Variants in CRHR1 observed in about 807,000 individuals in gnomAD.
The protein encoded by CRHR1 is corticotropin releasing hormone receptor 1, also known as corticotropin-releasing hormone receptor 1.
In CRHR1, 28 loss-of-function variants were observed where a neutral mutation model predicts 56.0. The observed-to-expected ratio is 0.50, with a 90% CI of 0.37 to 0.69. CRHR1 has a LOEUF of 0.69. Among genes scored for constraint, CRHR1 ranks in the 30% least tolerant of loss-of-function variants. The pLI is 0.00. For synonymous variants in CRHR1, 195 were observed against 216.5 expected (o/e 0.90, Z 0.87); for missense variants, 376 against 548.0 (o/e 0.69, Z 3.13).
chr17:45,812,132 T>C (rs1374273507), intron 2 of CRHR1, among the ~76,000 whole-genome samples: 1 of 152,236 alleles, frequency 6.6e-6, no homozygotes, highest in Non-Finnish European at 1.5e-5. Flanking sequence ...CTCTAGATTA[T>C]TTCTAATACC....
chr17:45,793,324 G>C lies in CRHR1; in HGVS notation c.33+8747G>C, dbSNP rs532237133. Reference sequence around the variant, plus strand: ...ACAGGGATGGTGGGAGATGTTGCTAGAGGGAATTGTGGCCCTGGGCTTAGA... The same window carrying C: ...ACAGGGATGGTGGGAGATGTTGCTACAGGGAATTGTGGCCCTGGGCTTAGA... On this transcript the variant is annotated intron_variant, in intron 1 of 12. Transcript: ENST00000314537. Among the ~76,000 whole-genome samples the C allele has an allele frequency of 1.4e-4, 22 of 152,374 alleles. No homozygotes were observed. The South Asian group carries it at 4.6e-3, about 32-fold the overall frequency.
chr17:45,820,160 A>C (rs1430931623), intron 3 of CRHR1, among the ~76,000 whole-genome samples: 2 of 152,188 alleles, frequency 1.3e-5, no homozygotes, highest in Non-Finnish European at 2.9e-5. Context: ...ACTGGGAGCC[A>C]CAGGAAGGCC....
At chr17:45,816,886 C>T (rs1433958406) in intron 3 of CRHR1, among the ~76,000 whole-genome samples, 1 of 152,224 alleles carries the variant, frequency 6.6e-6, no homozygotes, top group East Asian at 1.9e-4. Flanking sequence ...TTTGCATCCA[C>T]GTCTGTCTGG....
intron 1 of CRHR1, among the ~76,000 whole-genome samples, chr17:45,796,547 G>A (rs761292597): frequency 3.3e-5 from 5 of 151,672 alleles, no homozygotes; most frequent in Non-Finnish European, 7.4e-5. Flanking sequence ...GAAACAGGCT[G>A]TGCTGCCCAG....
At chr17:45,788,599 G>A (rs2061375163) in intron 1 of CRHR1, among the ~76,000 whole-genome samples, 1 of 152,160 alleles carries the variant, frequency 6.6e-6, no homozygotes, top group Admixed American at 6.5e-5. Context: ...AGGACAAAAG[G>A]AATTAATACA....
intron 4 of CRHR1, among the ~76,000 whole-genome samples, chr17:45,828,312 G>A (rs2062211450): frequency 6.6e-6 from 1 of 152,232 alleles, no homozygotes; most frequent in Admixed American, 6.5e-5. Flanking sequence ...GCAAGAGGTG[G>A]TTTTGGAGTT....
chr17:45,833,980 C>A (rs751260630), intron 11 of CRHR1, 27 bp from the exon 12 acceptor site: 8 of 1,613,800 alleles, frequency 5.0e-6, no homozygotes, highest in Non-Finnish European at 6.8e-6. Context: ...TGCAGCCGAC[C>A]TTTGACGCCT....
At chr17:45,814,910 C>T (rs2061896629) in intron 2 of CRHR1, among the ~76,000 whole-genome samples, 1 of 152,280 alleles carries the variant, frequency 6.6e-6, no homozygotes, top group Non-Finnish European at 1.5e-5. Flanking sequence ...AGGCCTCTGC[C>T]CCTTGAGTCC....
intron 3 of CRHR1, among the ~76,000 whole-genome samples, chr17:45,818,564 C>T (rs1476433178): frequency 5.9e-5 from 9 of 152,168 alleles, no homozygotes; most frequent in Non-Finnish European, 8.8e-5. Flanking sequence ...CTCTAGGCTC[C>T]CCCGCACTTC....
intron 4 of CRHR1, chr17:45,825,634 G>C (rs2062145518): frequency 6.5e-6 from 1 of 154,508 alleles, no homozygotes; most frequent in Non-Finnish European, 1.5e-5. Context: ...AACTGCAGAG[G>C]TGCTTTTTCC....
chr17:45,819,782 G>A (rs920882418), intron 3 of CRHR1, among the ~76,000 whole-genome samples: 5 of 152,226 alleles, frequency 3.3e-5, no homozygotes, highest in Non-Finnish European at 5.9e-5. Context: ...CTGGCCAGCT[G>A]TAGCTGAGCA....
chr17:45,817,420 G>T (rs2061951747), intron 3 of CRHR1, among the ~76,000 whole-genome samples: 2 of 152,288 alleles, frequency 1.3e-5, no homozygotes, highest in East Asian at 1.9e-4. Context: ...TCCCAAGAGG[G>T]CACAGGGGTG....
At chr17:45,804,069 G>T (rs1014529347) in intron 1 of CRHR1, among the ~76,000 whole-genome samples, 5 of 152,194 alleles carry the variant, frequency 3.3e-5, no homozygotes, top group Admixed American at 3.3e-4. Context: ...TGGAAAATGA[G>T]GGTAAAGATA....
chr17:45,830,276 GCC>G, intron 6 of CRHR1, 62 bp downstream of exon 6: 1 of 1,237,182 alleles, frequency 8.1e-7, no homozygotes, highest in Non-Finnish European at 1.2e-6. Context: ...GGAGGGGCCC[GCC>G]TGCCCTGCAG....
intron 11 of CRHR1, 77 bp from the exon 12 acceptor site, chr17:45,833,930 G>A: frequency 1.9e-6 from 3 of 1,613,016 alleles, no homozygotes; most frequent in Non-Finnish European, 2.5e-6. Context: ...GGAGGCCAGG[G>A]AGAAGCAAGG....
intron 2 of CRHR1, among the ~76,000 whole-genome samples, chr17:45,807,851 A>T (rs62057100): frequency 1.3e-5 from 2 of 152,210 alleles, no homozygotes; most frequent in Admixed American, 1.3e-4. Flanking sequence ...GAGGAAACTG[A>T]GGCATGGGAG....
intron 5 of CRHR1, 82 bp downstream of exon 5, chr17:45,829,403 A>T: frequency 1.4e-6 from 2 of 1,406,902 alleles, no homozygotes; most frequent in African/African-American, 2.8e-5. Context: ...GAGCAGCTCT[A>T]GGTTGGGGTG....
At chr17:45,830,996 G>A in intron 8 of CRHR1, 56 bp downstream of exon 8, 1 of 1,555,954 alleles carries the variant, frequency 6.4e-7, no homozygotes, top group Non-Finnish European at 8.9e-7. Context: ...AGCCCAGCTT[G>A]GTGACACTCC....
intron 1 of CRHR1, among the ~76,000 whole-genome samples, chr17:45,794,651 C>T (rs2146270744): frequency 6.6e-6 from 1 of 152,346 alleles, no homozygotes; most frequent in South Asian, 2.1e-4. Flanking sequence ...CCTTCCCCCT[C>T]CTTGTCACAC....
Sources: gnomAD v4.1 joint callset for allele counts (sites outside exome capture counted in the v4.1 genomes callset) on GRCh38, gnomAD v4.1.1 for gene constraint, MANE v1.5 for transcripts, NCBI Gene and HGNC (gene_info 2026-07-23, HGNC 2026-07-21) for gene names.